CDH6: variants seen among roughly 807,000 people sequenced by gnomAD.
The protein encoded by CDH6 is cadherin 6, also known as cadherin-6.
In CDH6, 31 loss-of-function variants were observed where a neutral mutation model predicts 78.0. The ratio of observed to expected loss-of-function variants is 0.40; its 90% CI spans 0.30 to 0.54. CDH6 has a LOEUF of 0.54. Ranked by LOEUF, CDH6 falls within the 20% of genes least tolerant of loss-of-function variation. CDH6 has a pLI of 0.56. For synonymous variants in CDH6, 376 were observed against 368.8 expected (o/e 1.02, Z -0.23); for missense variants, 724 against 975.9 (o/e 0.74, Z 3.44).
At chr5:31,277,921 A>T (rs1206598296) in intron 2 of CDH6, among the ~76,000 whole-genome samples, 1 of 152,186 alleles carries the variant, frequency 6.6e-6, no homozygotes, top group Non-Finnish European at 1.5e-5. Context: ...GTACAATATG[A>T]TATTTTGATA....
At chr5:31,219,861 T>A (rs1010421380) in intron 1 of CDH6, among the ~76,000 whole-genome samples, 1 of 152,202 alleles carries the variant, frequency 6.6e-6, no homozygotes, top group Admixed American at 6.5e-5. Flanking sequence ...CATCAGAATT[T>A]GTTTTGTCCA....
rs1737505229 is a variant in CDH6 at position 31,294,105 on chromosome 5, C to T, written c.372C>T (p.Tyr124=). 6.2e-7 allele frequency: 1 copy of T among 1,613,910 alleles called. No individual in the cohort carries two copies. Residue 124 remains tyrosine, a synonymous_variant, in exon 3 of 12, where the codon TAC becomes TAT. Coordinates refer to ENST00000265071, the MANE Select transcript of CDH6 (RefSeq NM_004932.4). This position sits in a 1 kb window ranked among gnomAD's most constrained non-coding sequence, Gnocchi z 4.1. ...TGGACAGGGAAGAAAAACCCGTTTA[C>T]ATCCTTCGAGCTCAAGCTATAAACA... ...KRLDREEKPV[Y]ILRAQAINRR...
intron 9 of CDH6, 100 bp from the exon 10 acceptor site, chr5:31,317,275 T>G (rs1382047659): frequency 3.0e-6 from 2 of 673,746 alleles, no homozygotes; most frequent in East Asian, 5.2e-5. Context: ...TTTTTATAAT[T>G]AAATTTTTAA....
chr5:31,214,082 T>A (rs1740794390), intron 1 of CDH6, among the ~76,000 whole-genome samples: 1 of 147,636 alleles, frequency 6.8e-6, no homozygotes, highest in African/African-American at 2.5e-5. Context: ...GAAACGGCAA[T>A]GATTTACCAG....
intron 2 of CDH6, among the ~76,000 whole-genome samples, chr5:31,291,372 G>A (rs1743158756): frequency 3.3e-5 from 5 of 152,132 alleles, no homozygotes; most frequent in Admixed American, 3.3e-4. Context: ...AATTTGGGAG[G>A]CACTTTGTAA....
At position 31,323,250 on chromosome 5, in the gene CDH6, C is replaced by G; in HGVS notation, c.2315C>G (p.Pro772Arg). 6.2e-7 allele frequency: 1 copy of G among 1,614,122 alleles called. No homozygotes were observed. The highest frequency in any genetic ancestry group is 8.5e-7 in the Non-Finnish European group (1 of 1,179,954). The change falls in exon 12 of 12, where the codon CCT becomes CGT. Residue 772 changes from proline (P) to arginine (R), a missense_variant. Coordinates refer to ENST00000265071, the MANE Select transcript of CDH6 (RefSeq NM_004932.4). ...TATGATTACCTTAGTGACTGGGGACCTCGATTCAAAAAGCTTGCAGATATG... is the reference window on the plus strand; with the variant it reads ...TATGATTACCTTAGTGACTGGGGACGTCGATTCAAAAAGCTTGCAGATATG... ...QDYDYLSDWG[P>R]RFKKLADMYG...
chr5:31,303,561 C>T (rs1303775202), intron 6 of CDH6, among the ~76,000 whole-genome samples: 5 of 152,034 alleles, frequency 3.3e-5, no homozygotes. Context: ...TGTGTAGCAC[C>T]ACAGAGCAGC....
chr5:31,270,641 G>A (rs1036157284), intron 2 of CDH6, among the ~76,000 whole-genome samples: 1 of 152,144 alleles, frequency 6.6e-6, no homozygotes, highest in African/African-American at 2.4e-5. Flanking sequence ...CAAGGGGTCT[G>A]CAGAGGTCAC....
intron 5 of CDH6, 136 bp from the exon 6 acceptor site, chr5:31,301,975 A>G (rs186685128): frequency 3.8e-5 from 20 of 526,122 alleles, no homozygotes; most frequent in African/African-American, 3.5e-4. Flanking sequence ...ACAGGCCACC[A>G]TTAGTTATTT....
chr5:31,280,179 C>A (rs1200778390), intron 2 of CDH6, among the ~76,000 whole-genome samples: 1 of 152,150 alleles, frequency 6.6e-6, no homozygotes, highest in African/African-American at 2.4e-5. Context: ...GAGAATTCAA[C>A]ACAAGAGAAA....
At chr5:31,212,436 C>G (rs1269095259) in intron 1 of CDH6, among the ~76,000 whole-genome samples, 1 of 152,116 alleles carries the variant, frequency 6.6e-6, no homozygotes, top group African/African-American at 2.4e-5. Flanking sequence ...TCCCATAATT[C>G]TACTCACTGA....
intron 6 of CDH6, among the ~76,000 whole-genome samples, chr5:31,304,183 CA>C (rs113557018): frequency 0.13 from 19,252 of 145,266 alleles, 1,192 homozygotes; most frequent in South Asian, 0.17. Context: ...ACAACAACAA[CA>C]AAAAAAAAAA....
chr5:31,268,904 A>G (rs1309049647), intron 2 of CDH6, among the ~76,000 whole-genome samples: 1 of 152,190 alleles, frequency 6.6e-6, no homozygotes, highest in Non-Finnish European at 1.5e-5. Context: ...TTAATGTAGA[A>G]TAAAGTAAGA....
intron 1 of CDH6, among the ~76,000 whole-genome samples, chr5:31,195,592 C>G (rs554252412): frequency 6.6e-6 from 1 of 152,248 alleles, no homozygotes; most frequent in Admixed American, 6.5e-5. Context: ...ACCGTAAAAC[C>G]AGTTGTGTGA....
At chr5:31,270,974 A>G (rs1742514427) in intron 2 of CDH6, among the ~76,000 whole-genome samples, 1 of 152,200 alleles carries the variant, frequency 6.6e-6, no homozygotes, top group Non-Finnish European at 1.5e-5. Flanking sequence ...AAGGTGTACC[A>G]AGGCTAATAG....
chr5:31,284,701 C>A (rs1742967675), intron 2 of CDH6, among the ~76,000 whole-genome samples: 1 of 152,206 alleles, frequency 6.6e-6, no homozygotes, highest in Non-Finnish European at 1.5e-5. Flanking sequence ...TGAGATGTAG[C>A]TATTCACCTT....
Position 31,323,015 on chromosome 5 carries a change from C to T in CDH6, c.2080C>T (p.Pro694Ser). Residue 694 changes from proline to serine, a missense_variant, in exon 12 of 12, where the codon CCC (proline) becomes TCC (serine). Coordinates refer to ENST00000265071, the MANE Select transcript of CDH6 (RefSeq NM_004932.4). ...EDNKLRRDIVPEALFLPRRTP... is the reference protein window; with the variant it reads ...EDNKLRRDIVSEALFLPRRTP... The stretch of plus-strand genomic sequence containing the variant: ...CAACAAATTACGAAGGGACATTGTG[C>T]CCGAAGCCCTTTTCCTACCCCGACG... 1 of 1,614,124 alleles carries T rather than the reference C, an allele frequency of 6.2e-7. No individual in the cohort carries two copies. The highest frequency in any genetic ancestry group is 1.3e-5 in the African/African-American group (1 of 75,026).
At chr5:31,313,294 C>G in intron 7 of CDH6, 24 bp from the exon 8 acceptor site, 1 of 1,595,982 alleles carries the variant, frequency 6.3e-7, no homozygotes, top group Non-Finnish European at 8.6e-7. Context: ...AAAAGCCTTT[C>G]TTAATTCCAC....
At chr5:31,225,419 G>T (rs80107709) in intron 1 of CDH6, among the ~76,000 whole-genome samples, 1 of 152,180 alleles carries the variant, frequency 6.6e-6, no homozygotes, top group East Asian at 1.9e-4. Flanking sequence ...AGTCATTCCC[G>T]CATTGCGATA....
Sources: allele counts gnomAD v4.1 joint callset (sites outside exome capture counted in the v4.1 genomes callset), GRCh38; gene constraint gnomAD v4.1.1; non-coding constraint Gnocchi (gnomAD v3.1); transcripts MANE v1.5; gene names NCBI Gene and HGNC (gene_info 2026-07-23, HGNC 2026-07-21).